Variants in NTRK3 observed in about 807,000 individuals in gnomAD.
The protein encoded by NTRK3 is neurotrophic receptor tyrosine kinase 3.
A neutral mutation model predicts 91.7 loss-of-function variants in NTRK3; 24 were observed. That is an observed-to-expected ratio of 0.26 (90% CI 0.19 to 0.37). The LOEUF (loss-of-function observed/expected upper bound fraction) is 0.37. Ranked by LOEUF, NTRK3 falls within the 10% of genes least tolerant of loss-of-function variation. The probability of loss-of-function intolerance (pLI) is 1.00; values close to 1 mark genes in which losing one functional copy is unlikely to be tolerated. For synonymous variants in NTRK3, 483 were observed against 404.0 expected (o/e 1.20, Z -2.34); for missense variants, 880 against 1,068.9 (o/e 0.82, Z 2.46).
chr15:88,108,876 A>G (rs1270551014), intron 13 of NTRK3, among the ~76,000 whole-genome samples: 1 of 152,182 alleles, frequency 6.6e-6, no homozygotes. Flanking sequence ...TCATAACAAG[A>G]TCCCCAGGGC....
At chr15:87,918,168 C>A (rs1169597308) in intron 17 of NTRK3, among the ~76,000 whole-genome samples, 1 of 152,164 alleles carries the variant, frequency 6.6e-6, no homozygotes, top group Non-Finnish European at 1.5e-5. Flanking sequence ...CAGGATCTCA[C>A]TGCCTCTTTC....
chr15:88,232,041 T>C (rs1286008316), intron 3 of NTRK3, among the ~76,000 whole-genome samples: 2 of 152,052 alleles, frequency 1.3e-5, no homozygotes, highest in African/African-American at 2.4e-5. Context: ...CCTCCCCGAG[T>C]GAATCCCACA....
intron 16 of NTRK3, chr15:87,931,030 T>A: frequency 2.9e-6 from 1 of 350,068 alleles, no homozygotes; most frequent in Non-Finnish European, 5.6e-6. Flanking sequence ...CCTCACCTTA[T>A]ACACTTCTTT....
chr15:88,013,001 C>T (rs974196409), intron 14 of NTRK3, among the ~76,000 whole-genome samples: 2 of 151,952 alleles, frequency 1.3e-5, no homozygotes, highest in African/African-American at 2.4e-5. Flanking sequence ...AATTCCACTA[C>T]CAGCAGCTGA....
intron 14 of NTRK3, among the ~76,000 whole-genome samples, chr15:87,954,027 T>C (rs2071415710): frequency 6.9e-6 from 1 of 145,326 alleles, no homozygotes. Context: ...TGTGTGTGTG[T>C]GTGTGTGTGT....
At chr15:87,948,585 A>G (rs8026225) in intron 14 of NTRK3, among the ~76,000 whole-genome samples, 151,775 of 152,358 alleles carry the variant, frequency 1, 75,598 homozygotes, top group East Asian at 1. Context: ...CTACTTGGGA[A>G]GCTGAAGCAG....
chr15:87,999,122 G>A lies in NTRK3; in HGVS notation c.1585+33735C>T, dbSNP rs529313455. ...GCCAACCCACCTACTTTATGAAGTGGGTTTGGACATGAAGCCACTGACTTG... is the reference window on the plus strand; with the variant it reads ...GCCAACCCACCTACTTTATGAAGTGAGTTTGGACATGAAGCCACTGACTTG... On this transcript the variant is annotated intron_variant, in intron 14 of 18. Transcript: ENST00000394480. 6.6e-5 allele frequency among the ~76,000 whole-genome samples: 10 copies of A among 152,238 alleles called. No individual in the cohort carries two copies. The South Asian group carries it at 2.1e-3, about 32-fold the overall frequency.
intron 3 of NTRK3, among the ~76,000 whole-genome samples, chr15:88,224,531 A>G (rs1350969006): frequency 6.6e-6 from 1 of 152,168 alleles, no homozygotes; most frequent in East Asian, 1.9e-4. Flanking sequence ...GAAGCTAATG[A>G]CAGTATTAAT....
intron 14 of NTRK3, chr15:87,981,428 A>T (rs1029416144): frequency 1.2e-6 from 2 of 1,611,502 alleles, no homozygotes; most frequent in East Asian, 2.2e-5. Flanking sequence ...AAAACATGGG[A>T]AAGTATTTTT....
chr15:88,225,224 G>A (rs1209773980), intron 3 of NTRK3, among the ~76,000 whole-genome samples: 3 of 152,200 alleles, frequency 2.0e-5, no homozygotes, highest in Non-Finnish European at 4.4e-5. Context: ...CTACCCCTGT[G>A]CTGCTGGGTT....
chr15:87,935,263 C>A (rs2069166150), intron 15 of NTRK3, among the ~76,000 whole-genome samples: 2 of 152,038 alleles, frequency 1.3e-5, no homozygotes. Context: ...GTGGCTGAGC[C>A]CAGCAAAGGT....
intron 17 of NTRK3, among the ~76,000 whole-genome samples, chr15:87,896,178 A>G (rs1423412789): frequency 1.3e-5 from 2 of 152,190 alleles, no homozygotes; most frequent in Non-Finnish European, 2.9e-5. Flanking sequence ...TAAATCTCTT[A>G]AAATATTTTA....
intron 3 of NTRK3, among the ~76,000 whole-genome samples, chr15:88,220,751 T>C (rs1418055354): frequency 6.6e-6 from 1 of 152,004 alleles, no homozygotes; most frequent in Non-Finnish European, 1.5e-5. Flanking sequence ...GTCCAAAAGA[T>C]CTGTCCCTCA....
At chr15:88,116,171 C>T (rs2052044899) in intron 13 of NTRK3, among the ~76,000 whole-genome samples, 1 of 152,076 alleles carries the variant, frequency 6.6e-6, no homozygotes, top group Non-Finnish European at 1.5e-5. Flanking sequence ...TTACAAGTCC[C>T]GTCATGTGGA....
chr15:88,007,127 G>A (rs976324689), intron 14 of NTRK3, among the ~76,000 whole-genome samples: 1 of 152,144 alleles, frequency 6.6e-6, no homozygotes, highest in Admixed American at 6.5e-5. Flanking sequence ...TGAACCAAGG[G>A]GTTGATGTGC....
chr15:87,891,251 T>G (rs1439624409), intron 17 of NTRK3, among the ~76,000 whole-genome samples: 1 of 152,230 alleles, frequency 6.6e-6, no homozygotes, highest in Admixed American at 6.5e-5. Flanking sequence ...GTAGAAAACA[T>G]AGCTATGTTT....
At chr15:88,197,635 T>C (rs2047947915) in intron 3 of NTRK3, among the ~76,000 whole-genome samples, 1 of 152,224 alleles carries the variant, frequency 6.6e-6, no homozygotes, top group Non-Finnish European at 1.5e-5. Context: ...GATGCTTTCC[T>C]GAGGCTTGAA....
chr15:87,931,516 G>A (rs931401973), intron 16 of NTRK3, among the ~76,000 whole-genome samples: 13 of 152,234 alleles, frequency 8.5e-5, no homozygotes, highest in East Asian at 5.8e-4. Flanking sequence ...ATTAATAGTC[G>A]TGTTTTCTAG....
intron 14 of NTRK3, among the ~76,000 whole-genome samples, chr15:87,996,996 C>T (rs912469344): frequency 6.6e-6 from 1 of 152,224 alleles, no homozygotes; most frequent in Admixed American, 6.5e-5. Context: ...GTTTCCTCTT[C>T]CTAAATGAGG....
Sources: allele counts gnomAD v4.1 joint callset (sites outside exome capture counted in the v4.1 genomes callset), GRCh38; gene constraint gnomAD v4.1.1; transcripts MANE v1.5; gene names NCBI Gene and HGNC (gene_info 2026-07-23, HGNC 2026-07-21).